Variants in PIAS4 observed in about 807,000 individuals in gnomAD.
PIAS4 encodes protein inhibitor of activated STAT 4.
PIAS4 carries 7 observed loss-of-function variants against 58.0 expected under a neutral mutation model. That is an observed-to-expected ratio of 0.12 (90% CI 0.07 to 0.23). The LOEUF is 0.23. Ranked by LOEUF, PIAS4 falls within the 10% of genes least tolerant of loss-of-function variation. The pLI, the probability that PIAS4 is intolerant of heterozygous loss-of-function variation, is 1.00. For synonymous variants in PIAS4, 364 were observed against 312.4 expected (o/e 1.17, Z -1.74); for missense variants, 550 against 709.5 (o/e 0.78, Z 2.55).
rs759770955 is a variant in PIAS4 at position 4,037,446 on chromosome 19, C to T, written c.1215C>T (p.Cys405=). 4 of 1,611,696 alleles carry T rather than the reference C, an allele frequency of 2.5e-6. No individual in the cohort carries two copies. In the South Asian group the frequency reaches 3.3e-5, roughly 13 times the overall value. ...AGTACCTGGTGGACGGCTCGTGGTG[C>T]CCGATCCGCGCCGAAAAGGAGCGCA... ...EIEYLVDGSW[C]PIRAEKERSC... Residue 405 remains cysteine (C), a synonymous_variant, in exon 10 of 11, where the codon TGC becomes TGT. Coordinates refer to ENST00000262971, the MANE Select transcript of PIAS4 (RefSeq NM_015897.4). This position sits in a 1 kb window ranked among gnomAD's most constrained non-coding sequence, Gnocchi z 5.8.
intron 1 of PIAS4, among the ~76,000 whole-genome samples, chr19:4,012,148 C>G (rs553912928): frequency 1.3e-5 from 2 of 151,660 alleles, no homozygotes; most frequent in Non-Finnish European, 2.9e-5. Context: ...TCCACAGGGC[C>G]AAGGAGGAGA....
chr19:4,037,248 G>A lies in PIAS4; in HGVS notation c.1143-126G>A. On this transcript the variant is annotated intron_variant, in intron 9 of 10. Transcript: ENST00000262971. The surrounding 1 kb of genome is among the most constrained non-coding windows in gnomAD (Gnocchi z 5.8). ...GGGTCCCTGGACCCCTGCGGTCGGG[G>A]TGGTGAGGCTGCTCTTGCAGAGAGA... is the stretch of plus-strand genomic sequence containing the variant. 1 of 1,245,974 alleles carries A rather than the reference G, an allele frequency of 8.0e-7. No homozygotes were observed. The highest frequency in any genetic ancestry group is 1.1e-6 in the Non-Finnish European group (1 of 913,136). The allele number at this position is 1,245,974 out of a possible 1,614,324, so 77.2% of individuals were successfully genotyped here.
chr19:4,028,803 C>G lies in PIAS4; in HGVS notation c.756C>G (p.Ser252=), dbSNP rs1172243985. The G allele has an allele frequency of 6.2e-7, 1 of 1,613,666 alleles. No homozygotes were observed. The highest frequency in any genetic ancestry group is 1.7e-5 in the Admixed American group (1 of 60,012). The change falls in exon 6 of 11, where the codon TCC becomes TCG. Residue 252 remains serine (S), a synonymous_variant. Coordinates refer to ENST00000262971, the MANE Select transcript of PIAS4 (RefSeq NM_015897.4). ...ACCTCACCCACCTCATGTACCTGTC[C>G]TCGGCCACCAACCGCATCACTGTCA... The part of the protein sequence containing the change: ...PINLTHLMYL[S]SATNRITVTW...
At chr19:4,008,758 A>C (rs1250835308) in intron 1 of PIAS4, among the ~76,000 whole-genome samples, 1 of 151,518 alleles carries the variant, frequency 6.6e-6, no homozygotes, top group Non-Finnish European at 1.5e-5. Flanking sequence ...GAGCGAGTCT[A>C]CTTCTTAGGT....
chr19:4,034,899 A>G (rs1290696944), intron 9 of PIAS4, among the ~76,000 whole-genome samples: 1 of 152,160 alleles, frequency 6.6e-6, no homozygotes, highest in Non-Finnish European at 1.5e-5. Context: ...GGGTGACCCC[A>G]GGGTCCCCAA....
chr19:4,017,145 C>CA (rs1485149349), intron 2 of PIAS4, among the ~76,000 whole-genome samples: 1 of 152,198 alleles, frequency 6.6e-6, no homozygotes, highest in Non-Finnish European at 1.5e-5. Context: ...TGGCACTTCC[C>CA]ATACCTGTGG....
Position 4,037,210 on chromosome 19 carries a change from G to C in PIAS4, c.1143-164G>C, listed in dbSNP as rs1194625688. 2.0e-5 allele frequency among the ~76,000 whole-genome samples: 3 copies of C among 152,206 alleles called. No individual in the cohort carries two copies. Among genetic ancestry groups the C allele is most frequent in the African/African-American group, 4.8e-5 (2 of 41,452 alleles). Reference sequence around the variant, plus strand: ...AGCACCTGCAGGGGCCTGAGGGCGGGGGAGGGAATGCGGGGTCCCTGGACC... The same window carrying C: ...AGCACCTGCAGGGGCCTGAGGGCGGCGGAGGGAATGCGGGGTCCCTGGACC... On this transcript the variant is annotated intron_variant, in intron 9 of 10. Coordinates refer to ENST00000262971, the MANE Select transcript of PIAS4 (RefSeq NM_015897.4). The surrounding 1 kb of genome is among the most constrained non-coding windows in gnomAD (Gnocchi z 5.8).
rs950763580 is a variant in PIAS4, at chr19:4,013,336, G to A, written c.441G>A (p.Lys147=). 6.2e-7 allele frequency: 1 copy of A among 1,612,364 alleles called. No individual in the cohort carries two copies. The highest frequency in any genetic ancestry group is 1.3e-5 in the African/African-American group (1 of 74,930). The part of the protein sequence containing the change: ...PFFNMLDELL[K]PTELVPQNNE... ...TTAATATGCTGGATGAGCTGCTGAA[G>A]CCCACCGAATTAGGTGAGTGGTCAC... The change falls in exon 2 of 11, where the codon AAG becomes AAA. Residue 147 remains lysine, a synonymous_variant. Transcript: ENST00000262971. This position sits in a 1 kb window ranked among gnomAD's most constrained non-coding sequence, Gnocchi z 5.1.
intron 7 of PIAS4, among the ~76,000 whole-genome samples, chr19:4,030,511 C>T (rs1033376213): frequency 2.6e-5 from 4 of 151,338 alleles, no homozygotes; most frequent in African/African-American, 9.7e-5. Context: ...CCCAGCTACT[C>T]GGGAGGCTGA....
In PIAS4 at chr19:4,011,631, G is replaced by A. The variant is rs186081359; in HGVS notation, c.28-1292G>A. On this transcript the variant is annotated intron_variant, in intron 1 of 10. Transcript: ENST00000262971. ...CCCCAGGGACTCAGGGCAACGTGTGGAGGTGTGTTTGGTGTGGAGGTGTGT... is the reference window on the plus strand; with the variant it reads ...CCCCAGGGACTCAGGGCAACGTGTGAAGGTGTGTTTGGTGTGGAGGTGTGT... Among the ~76,000 whole-genome samples, 928 of 151,978 alleles carry A rather than the reference G, an allele frequency of 6.1e-3. 4 individuals carry two copies. The highest frequency in any genetic ancestry group is 8.5e-3 in the Non-Finnish European group (575 of 67,942).
In PIAS4 at chr19:4,028,640, G is replaced by T. The variant is rs768336665; in HGVS notation, c.672+40G>T. On this transcript the variant is annotated intron_variant, in intron 5 of 10. Coordinates refer to ENST00000262971, the MANE Select transcript of PIAS4 (RefSeq NM_015897.4). ...CCCCCGCGTCGGCTGCACGGGTTTG[G>T]GGGGCGTGGAGGGAGGGTGGGGGCC... is the stretch of plus-strand genomic sequence containing the variant. 7.5e-6 allele frequency: 12 copies of T among 1,608,842 alleles called. No homozygotes were observed. In the Admixed American group the frequency reaches 1.5e-4, roughly 20 times the overall value.
At position 4,024,160 on chromosome 19, in the gene PIAS4, C is replaced by T. The variant is rs760056697; in HGVS notation, c.539+40C>T. The T allele has an allele frequency of 2.1e-6, 3 of 1,460,330 alleles. No individual in the cohort carries two copies. The Admixed American group carries it at 5.0e-5, about 24-fold the overall frequency. 90.5% of individuals were successfully genotyped at this position (1,460,330 alleles called of 1,614,324 possible). On this transcript the variant is annotated intron_variant, in intron 3 of 10. Transcript: ENST00000262971. ...CCCCAGCCCAGCACCCCACCGCCCG[C>T]CCACCCACTTTCTCCTGGGCTCACT... is the stretch of plus-strand genomic sequence containing the variant.
intron 2 of PIAS4, among the ~76,000 whole-genome samples, chr19:4,016,919 C>A (rs1369396276): frequency 1.3e-5 from 2 of 152,164 alleles, no homozygotes; most frequent in Non-Finnish European, 2.9e-5. Flanking sequence ...CCCTGCTTGC[C>A]CCGAGGGCTT....
At position 4,033,197 on chromosome 19, in the gene PIAS4, C is replaced by G. The variant is rs750784630; in HGVS notation, c.981+24C>G. On this transcript the variant is annotated intron_variant, in intron 8 of 10. Coordinates refer to ENST00000262971, the MANE Select transcript of PIAS4 (RefSeq NM_015897.4). ...CGGTGAGTCGGGGCGCGGTCCCCTCCTCGAGGCCTCTCCTGCGGCCGGCCT... is the reference window on the plus strand; with the variant it reads ...CGGTGAGTCGGGGCGCGGTCCCCTCGTCGAGGCCTCTCCTGCGGCCGGCCT... 7 of 1,594,296 alleles carry G rather than the reference C, an allele frequency of 4.4e-6. No individual in the cohort carries two copies. The South Asian group carries it at 6.6e-5, about 15-fold the overall frequency.
chr19:4,038,061 G>T lies in PIAS4; in HGVS notation c.*186G>T. 1 of 546,392 alleles carries T rather than the reference G, an allele frequency of 1.8e-6. No homozygotes were observed. The highest frequency in any genetic ancestry group is 3.1e-6 in the Non-Finnish European group (1 of 324,944). The allele number at this position is 546,392 out of a possible 1,614,324, so 33.8% of individuals were successfully genotyped here. The stretch of plus-strand genomic sequence containing the variant: ...TCCTATCGGGGGATTAAAAAAAAAA[G>T]TAAAATGACAAAAAAAGATACAAAA... On this transcript the variant is annotated 3_prime_UTR_variant, in exon 11 of 11. Transcript: ENST00000262971. This position sits in a 1 kb window ranked among gnomAD's most constrained non-coding sequence, Gnocchi z 4.1.
At chr19:4,024,005 GA>G in intron 2 of PIAS4, 30 bp from the exon 3 acceptor site, 1 of 1,511,196 alleles carries the variant, frequency 6.6e-7, no homozygotes. Context: ...CCAGGGACCA[GA>G]CATGCCCCTG....
chr19:4,010,325 G>T (rs2039980659), intron 1 of PIAS4, among the ~76,000 whole-genome samples: 1 of 152,230 alleles, frequency 6.6e-6, no homozygotes, highest in African/African-American at 2.4e-5. Context: ...TGTCCAGCCT[G>T]GGTGGGGCAG....
In PIAS4 at chr19:4,028,502, C is replaced by G. The variant is rs371052670; in HGVS notation, c.582-8C>G. 2 of 1,608,614 alleles carry G rather than the reference C, an allele frequency of 1.2e-6. No homozygotes were observed. The highest frequency in any genetic ancestry group is 1.7e-6 in the Non-Finnish European group (2 of 1,176,736). On this transcript the variant is annotated splice_region_variant and splice_polypyrimidine_tract_variant and intron_variant, in intron 4 of 10. Coordinates refer to ENST00000262971, the MANE Select transcript of PIAS4 (RefSeq NM_015897.4). Reference sequence around the variant, plus strand: ...CTCCCCGCCCCATGGTCCCTGTTGTCGTTGCAGAATCTGTTACTCAGACAC... The same window carrying G: ...CTCCCCGCCCCATGGTCCCTGTTGTGGTTGCAGAATCTGTTACTCAGACAC...
intron 9 of PIAS4, among the ~76,000 whole-genome samples, chr19:4,033,905 C>T (rs575235261): frequency 6.0e-4 from 92 of 152,248 alleles, no homozygotes; most frequent in African/African-American, 1.9e-3. Context: ...TGAGCCAGGT[C>T]GTGCTTTCAC....
Sources: allele counts gnomAD v4.1 joint callset (sites outside exome capture counted in the v4.1 genomes callset), GRCh38; gene constraint gnomAD v4.1.1; non-coding constraint Gnocchi (gnomAD v3.1); transcripts MANE v1.5; gene names NCBI Gene and HGNC (gene_info 2026-07-23, HGNC 2026-07-21).